AQR: variants seen among roughly 807,000 people sequenced by gnomAD.
The protein encoded by AQR is RNA helicase aquarius.
AQR carries 61 observed loss-of-function variants against 180.5 expected under a neutral mutation model. That is an observed-to-expected ratio of 0.34 (90% CI 0.28 to 0.42). The LOEUF (loss-of-function observed/expected upper bound fraction) is 0.42. Ranked by LOEUF, AQR falls within the 10% of genes least tolerant of loss-of-function variation. The probability of loss-of-function intolerance (pLI) is 1.00; values close to 1 mark genes in which losing one functional copy is unlikely to be tolerated. For missense variants in AQR, 1,281 were observed against 1,798.3 expected (o/e 0.71, Z 5.20); for synonymous variants, 551 against 588.8 (o/e 0.94, Z 0.93).
chr15:34,963,661 CT>C (rs35112194), intron 2 of AQR, among the ~76,000 whole-genome samples: 91,911 of 148,612 alleles, frequency 0.62, 30,450 homozygotes, highest in South Asian at 0.75. Flanking sequence ...TACACGTACA[CT>C]TTTTTTTTTT....
chr15:34,969,720 C>T lies in AQR; in HGVS notation c.-107G>A. ...ACTGCCGGGGCGCTTAACTCCGCGC[C>T]GCACAAACGCTCCGGGCCGGATATC... On this transcript the variant is annotated 5_prime_UTR_variant, in exon 1 of 35. Coordinates refer to ENST00000156471, the MANE Select transcript of AQR (RefSeq NM_014691.3). The T allele has an allele frequency of 3.6e-6, 4 of 1,117,812 alleles. No homozygotes were observed. The East Asian group carries it at 7.7e-5, about 21-fold the overall frequency. 69.2% of individuals were successfully genotyped at this position (1,117,812 alleles called of 1,614,324 possible). A position where few individuals can be genotyped will look rare whatever the true frequency, so the allele number is the denominator to read the frequency against.
intron 23 of AQR, 113 bp downstream of exon 23, chr15:34,893,550 C>T: frequency 1.2e-6 from 1 of 828,992 alleles, no homozygotes; most frequent in Admixed American, 2.3e-5. Context: ...TTATTGTGTC[C>T]CACACTTACC....
intron 32 of AQR, 30 bp from the exon 33 acceptor site, chr15:34,863,071 A>G (rs1355638158): frequency 1.9e-6 from 3 of 1,565,896 alleles, no homozygotes; most frequent in African/African-American, 1.4e-5. Flanking sequence ...TAATTAGCAC[A>G]CTTCAAGATT....
At chr15:34,969,517 C>A in intron 1 of AQR, 22 bp downstream of exon 1, 1 of 1,613,152 alleles carries the variant, frequency 6.2e-7, no homozygotes, top group Non-Finnish European at 8.5e-7. Flanking sequence ...CACTCACACA[C>A]ACCAGACTCG....
chr15:34,909,658 T>C (rs7180146), intron 17 of AQR, among the ~76,000 whole-genome samples: 391 of 152,332 alleles, frequency 2.6e-3, no homozygotes, highest in African/African-American at 8.7e-3. Context: ...CCACAAAGTG[T>C]ATGTATTTCT....
Position 34,940,538 on chromosome 15 carries a change from T to TA in AQR, c.641+360dup, listed in dbSNP as rs112627762. Among the ~76,000 whole-genome samples, 7 of 150,884 alleles carry TA rather than the reference T, an allele frequency of 4.6e-5. 1 individual carries two copies. The highest frequency in any genetic ancestry group is 2.1e-4 in the South Asian group (1 of 4,754). ...AGAGCGAAACTCCGTCTCAAAAAAA[T>TA]AAAAAAAGAGTGAAGGAGTAAGAAA... On this transcript the variant is annotated intron_variant, in intron 8 of 34. Coordinates refer to ENST00000156471, the MANE Select transcript of AQR (RefSeq NM_014691.3).
chr15:34,914,651 T>C (rs1406847959), intron 16 of AQR, among the ~76,000 whole-genome samples: 1 of 152,174 alleles, frequency 6.6e-6, no homozygotes, highest in Non-Finnish European at 1.5e-5. Context: ...GTACACCCCT[T>C]TATCATAAGC....
Position 34,897,647 on chromosome 15 carries a change from C to T in AQR, c.2302G>A (p.Asp768Asn), listed in dbSNP as rs757462647. 101 of 1,613,984 alleles carry T rather than the reference C, an allele frequency of 6.3e-5. No homozygotes were observed. In the Middle Eastern group the frequency reaches 2.1e-3, roughly 34 times the overall value. The change falls in exon 21 of 35, where the codon GAT becomes AAT. Residue 768 changes from aspartate to asparagine, a missense_variant. Transcript: ENST00000156471. ...GTTTTTGCTTCCTCGGTGTCTTCATCTTCCACATCCGCATCTTTCCTTTTC... is the reference window on the plus strand; with the variant it reads ...GTTTTTGCTTCCTCGGTGTCTTCATTTTCCACATCCGCATCTTTCCTTTTC... ...GKKRKDADVE[D>N]EDTEEAKTLI...
intron 15 of AQR, among the ~76,000 whole-genome samples, chr15:34,916,219 T>G (rs1893582872): frequency 6.6e-6 from 1 of 152,158 alleles, no homozygotes; most frequent in Non-Finnish European, 1.5e-5. Flanking sequence ...TAAATCAATC[T>G]CCAATGATTA....
chr15:34,965,549 T>C (rs2050306143), intron 1 of AQR, among the ~76,000 whole-genome samples: 1 of 152,142 alleles, frequency 6.6e-6, no homozygotes, highest in African/African-American at 2.4e-5. Flanking sequence ...TGTGCACCTA[T>C]AATTCCAGCT....
At chr15:34,950,383 C>T (rs989528458) in intron 4 of AQR, among the ~76,000 whole-genome samples, 2 of 151,776 alleles carry the variant, frequency 1.3e-5, no homozygotes, top group Non-Finnish European at 2.9e-5. Flanking sequence ...CCACCACTCC[C>T]GGCCCTCTTT....
chr15:34,910,220 G>A lies in AQR; in HGVS notation c.1578C>T (p.Asn526=). ...CTCGGGTTGGCCAGTTTTCACCTATGTTGGGTTTGGCCACTTCAACGACAG... is the reference window on the plus strand; with the variant it reads ...CTCGGGTTGGCCAGTTTTCACCTATATTGGGTTTGGCCACTTCAACGACAG... The part of the protein sequence containing the change: ...AFTVVEVAKP[N]IGENWPTRVR... The change falls in exon 17 of 35, where the codon AAC becomes AAT. Residue 526 remains asparagine, a synonymous_variant. Coordinates refer to ENST00000156471, the MANE Select transcript of AQR (RefSeq NM_014691.3). 6.2e-7 allele frequency: 1 copy of A among 1,614,184 alleles called. No individual in the cohort carries two copies. Among genetic ancestry groups the A allele is most frequent in the Non-Finnish European group, 8.5e-7 (1 of 1,180,030 alleles).
chr15:34,904,189 G>C (rs1272430038), intron 19 of AQR, 147 bp downstream of exon 19: 3 of 463,246 alleles, frequency 6.5e-6, no homozygotes, highest in Non-Finnish European at 1.1e-5. Flanking sequence ...TTTGTTAAAA[G>C]TTTAAGAGGA....
At chr15:34,959,130 G>T (rs1894378385) in intron 3 of AQR, among the ~76,000 whole-genome samples, 1 of 152,102 alleles carries the variant, frequency 6.6e-6, no homozygotes. Flanking sequence ...GCATCGAAAA[G>T]GTGGCTAATA....
At chr15:34,905,653 C>T (rs946590656) in intron 18 of AQR, among the ~76,000 whole-genome samples, 1 of 150,280 alleles carries the variant, frequency 6.7e-6, no homozygotes, top group African/African-American at 2.5e-5. Context: ...CAATTAAGAA[C>T]CACCACTACA....
intron 12 of AQR, among the ~76,000 whole-genome samples, chr15:34,927,981 C>G (rs1893790779): frequency 6.6e-6 from 1 of 152,204 alleles, no homozygotes; most frequent in African/African-American, 2.4e-5. Context: ...GGCAAATAGC[C>G]AAGTTCCTTG....
chr15:34,890,039 T>C (rs192206221), intron 24 of AQR, among the ~76,000 whole-genome samples, 176 bp downstream of exon 24: 5 of 152,342 alleles, frequency 3.3e-5, no homozygotes, highest in African/African-American at 1.2e-4. Context: ...CATACACAAC[T>C]GGAACTGAGG....
At chr15:34,879,028 A>G (rs990672128) in intron 27 of AQR, among the ~76,000 whole-genome samples, 1 of 127,350 alleles carries the variant, frequency 7.9e-6, no homozygotes, top group African/African-American at 3.3e-5. Context: ...GCTCTGTCTC[A>G]AAAAAAAAAA....
intron 22 of AQR, among the ~76,000 whole-genome samples, chr15:34,895,214 ATATATATG>A (rs1427760541): frequency 1.2e-3 from 130 of 107,874 alleles, no homozygotes; most frequent in African/African-American, 2.8e-3. Flanking sequence ...ATATATATAT[ATATATATG>A]AAACAAATAA....
Sources: allele counts gnomAD v4.1 joint callset (sites outside exome capture counted in the v4.1 genomes callset), GRCh38; gene constraint gnomAD v4.1.1; transcripts MANE v1.5; gene names NCBI Gene and HGNC (gene_info 2026-07-23, HGNC 2026-07-21).